The following PSTPIP1 variants were observed in gnomAD, a reference collection of about 807,000 sequenced individuals.
PSTPIP1 encodes the protein proline-serine-threonine phosphatase interacting protein 1.
Under a neutral mutation model 69.6 loss-of-function variants are expected in PSTPIP1, and 66 were observed. That is an observed-to-expected ratio of 0.95 (90% CI 0.78 to 1.16). The LOEUF is 1.16. Ranked by LOEUF, PSTPIP1 falls within the 50% of genes most tolerant of loss-of-function variation. PSTPIP1 has a pLI of 0.00. For synonymous variants in PSTPIP1, 266 were observed against 222.7 expected, an observed-to-expected ratio of 1.19 and a Z score of -1.73; for missense variants, 603 against 557.4, an observed-to-expected ratio of 1.08 and a Z score of -0.82.
rs534187469 is a variant in PSTPIP1, at chr15:76,997,515, T to G, written c.36+1906T>G. Reference sequence around the variant, plus strand: ...GATGTATGCATATTCACTCATTCAATCCTTCAAACACATGCTACTGTTATC... The same window carrying G: ...GATGTATGCATATTCACTCATTCAAGCCTTCAAACACATGCTACTGTTATC... On this transcript the variant is annotated intron_variant, in intron 1 of 14. Transcript: ENST00000558012. Among the ~76,000 whole-genome samples the G allele has an allele frequency of 5.3e-5, 8 of 152,354 alleles. 1 individual carries two copies. In the South Asian group the frequency reaches 1.7e-3, roughly 32 times the overall value.
At chr15:76,994,990 G>A (rs879061485), upstream of PSTPIP1, 4 of 1,187,770 alleles carry the variant, frequency 3.4e-6, no homozygotes, top group South Asian at 5.9e-5. Flanking sequence ...CTGGAATAAA[G>A]TGAGCCCGCA....
rs566736298 is a variant in PSTPIP1, at chr15:77,031,643, C to T, written c.741+365C>T. ...TGGCTGCTCTGCTCTAGGCCTGGTG[C>T]TTGCAGGAGCCGAGGCGCAGTCCTT... On this transcript the variant is annotated intron_variant, in intron 10 of 14. Coordinates refer to ENST00000558012, the MANE Select transcript of PSTPIP1 (RefSeq NM_003978.5). The T allele has an allele frequency of 1.2e-3, 252 of 210,042 alleles. 1 individual carries two copies. The highest frequency in any genetic ancestry group is 5.6e-3 in the African/African-American group (240 of 43,120). 13.0% of individuals were successfully genotyped at this position (210,042 alleles called of 1,614,324 possible).
Position 77,031,290 on chromosome 15 carries a change from G to C in PSTPIP1, c.741+12G>C, listed in dbSNP as rs370307155. The C allele has an allele frequency of 6.2e-7, 1 of 1,611,334 alleles. No homozygotes were observed. Among genetic ancestry groups the C allele is most frequent in the African/African-American group, 1.3e-5 (1 of 74,902 alleles). On this transcript the variant is annotated intron_variant, in intron 10 of 14. Transcript: ENST00000558012. Reference sequence around the variant, plus strand: ...TCAAGGATGATGAGGTGGGGGCTGAGGGCCTTGGTGTGGGGTAAGGTAGGG... The same window carrying C: ...TCAAGGATGATGAGGTGGGGGCTGACGGCCTTGGTGTGGGGTAAGGTAGGG...
At chr15:77,030,158 C>G (rs1419535841) in intron 8 of PSTPIP1, among the ~76,000 whole-genome samples, 1 of 152,226 alleles carries the variant, frequency 6.6e-6, no homozygotes, top group African/African-American at 2.4e-5. Context: ...TGGGACTCCA[C>G]CCCTCCTCCA....
chr15:77,032,830 C>A (rs749738192), intron 11 of PSTPIP1, 32 bp from the exon 12 acceptor site: 1 of 1,534,126 alleles, frequency 6.5e-7, no homozygotes, highest in South Asian at 1.2e-5. Flanking sequence ...GTGTTGGGGG[C>A]CGCCCTGGGG....
At position 77,024,726 on chromosome 15, in the gene PSTPIP1, T is replaced by TTCCC. The variant is rs67239232; in HGVS notation, c.213-532_213-529dup. ...GCCTCCTATGCGCAGTGCTGGGCCC[T>TTCCC]TCCCTCCCTCCCTCCCTCCCTCCCT... On this transcript the variant is annotated intron_variant, in intron 3 of 14. Coordinates refer to ENST00000558012, the MANE Select transcript of PSTPIP1 (RefSeq NM_003978.5). 9.4e-3 allele frequency among the ~76,000 whole-genome samples: 1,342 copies of TTCCC among 143,390 alleles called. 36 individuals are homozygous for TTCCC. Among genetic ancestry groups the TTCCC allele is most frequent in the Admixed American group, 0.054 (779 of 14,440 alleles). 94.1% of individuals were successfully genotyped at this position (143,390 alleles called of 152,430 possible). A position where few individuals can be genotyped will look rare whatever the true frequency, so the allele number is the denominator to read the frequency against.
rs775395200 is a variant in PSTPIP1 at position 76,995,582 on chromosome 15, C to T, written c.9C>T (p.Pro3=). 2 of 1,613,650 alleles carry T rather than the reference C, an allele frequency of 1.2e-6. No individual in the cohort carries two copies. Among genetic ancestry groups the T allele is most frequent in the African/African-American group, 1.3e-5 (1 of 74,898 alleles). ...GCGGCAGACGCCTGAGGATGATGCCCCAGCTGCAGTTCAAAGATGCCTTTT... is the reference window on the plus strand; with the variant it reads ...GCGGCAGACGCCTGAGGATGATGCCTCAGCTGCAGTTCAAAGATGCCTTTT... The part of the protein sequence containing the change: MM[P]QLQFKDAFWC... The change falls in exon 1 of 15, where the codon CCC becomes CCT. Residue 3 remains proline (P), a synonymous_variant. Coordinates refer to ENST00000558012, the MANE Select transcript of PSTPIP1 (RefSeq NM_003978.5).
chr15:77,001,404 C>T (rs1233229898), intron 1 of PSTPIP1, among the ~76,000 whole-genome samples: 2 of 152,196 alleles, frequency 1.3e-5, no homozygotes, highest in Non-Finnish European at 2.9e-5. Context: ...CTGGAAGGGT[C>T]AGGGCCTGTG....
chr15:77,030,567 C>T lies in PSTPIP1; in HGVS notation c.628C>T (p.Arg210Trp), dbSNP rs200998074. Reference protein sequence around the residue: ...KVRAEWEQEHRTTCEAFQLQE... With the variant: ...KVRAEWEQEHWTTCEAFQLQE... ...CCGGGCTGAGTGGGAGCAGGAGCAC[C>T]GGACCACCTGTGAGGTGAGTGGCCC... is the stretch of plus-strand genomic sequence containing the variant. The change falls in exon 9 of 15, where the codon CGG becomes TGG. Residue 210 changes from arginine to tryptophan, a missense_variant. Coordinates refer to ENST00000558012, the MANE Select transcript of PSTPIP1 (RefSeq NM_003978.5). 121 of 1,608,126 alleles carry T rather than the reference C, an allele frequency of 7.5e-5. No individual in the cohort carries two copies. The highest frequency in any genetic ancestry group is 6.5e-4 in the African/African-American group (49 of 74,984).
At chr15:77,001,331 C>G (rs2075702781) in intron 1 of PSTPIP1, among the ~76,000 whole-genome samples, 1 of 152,108 alleles carries the variant, frequency 6.6e-6, no homozygotes, top group African/African-American at 2.4e-5. Flanking sequence ...ACTTTGGGAT[C>G]CCCCATAGTC....
chr15:77,029,218 C>T (rs1276459247), intron 7 of PSTPIP1, among the ~76,000 whole-genome samples: 3 of 152,222 alleles, frequency 2.0e-5, no homozygotes, highest in African/African-American at 7.2e-5. Flanking sequence ...TGGGGGCAGT[C>T]AGTCAGGGGC....
intron 3 of PSTPIP1, chr15:77,024,427 A>G (rs2076228033): frequency 6.6e-6 from 1 of 151,634 alleles, no homozygotes; most frequent in African/African-American, 2.4e-5. Context: ...CCCTCCACCC[A>G]GGGCTGTCCG....
At chr15:77,001,770 C>A (rs2075713252) in intron 1 of PSTPIP1, among the ~76,000 whole-genome samples, 1 of 152,152 alleles carries the variant, frequency 6.6e-6, no homozygotes, top group African/African-American at 2.4e-5. Context: ...GGGAAATAAG[C>A]ATTTATACTG....
intron 1 of PSTPIP1, among the ~76,000 whole-genome samples, chr15:77,012,155 ATCCAC>A (rs2075952768): frequency 2.1e-5 from 1 of 47,620 alleles, no homozygotes; most frequent in Admixed American, 1.9e-4. Flanking sequence ...CCATCCATCC[ATCCAC>A]CCACCCACCC....
intron 1 of PSTPIP1, among the ~76,000 whole-genome samples, chr15:77,014,720 C>A (rs539837909): frequency 6.6e-6 from 1 of 152,336 alleles, no homozygotes; most frequent in African/African-American, 2.4e-5. Context: ...AGGGCCCTGG[C>A]CGGCTCACAG....
At chr15:77,030,710 A>G in intron 9 of PSTPIP1, 129 bp downstream of exon 9, 1 of 946,100 alleles carries the variant, frequency 1.1e-6, no homozygotes, top group Non-Finnish European at 1.5e-6. Flanking sequence ...TCGTTTATTC[A>G]GCCTCCTGCT....
chr15:77,002,859 A>C (rs1299409336), intron 1 of PSTPIP1, among the ~76,000 whole-genome samples: 1 of 152,134 alleles, frequency 6.6e-6, no homozygotes, highest in Non-Finnish European at 1.5e-5. Flanking sequence ...ATCTACACAG[A>C]ACTAGGGCAG....
intron 6 of PSTPIP1, 104 bp downstream of exon 6, chr15:77,028,018 G>A (rs1459834144): frequency 9.0e-7 from 1 of 1,113,252 alleles, no homozygotes; most frequent in Non-Finnish European, 1.3e-6. Context: ...GGAACAGGCT[G>A]ACCTCAGCCT....
At chr15:77,013,469 T>C (rs996895859) in intron 1 of PSTPIP1, among the ~76,000 whole-genome samples, 1 of 152,164 alleles carries the variant, frequency 6.6e-6, no homozygotes, top group African/African-American at 2.4e-5. Flanking sequence ...GCCCTGGTAC[T>C]GTTGTAACTG....
Sources: allele counts gnomAD v4.1 joint callset (sites outside exome capture counted in the v4.1 genomes callset), GRCh38; gene constraint gnomAD v4.1.1; transcripts MANE v1.5; gene names NCBI Gene and HGNC (gene_info 2026-07-23, HGNC 2026-07-21).